The following ECPAS variants were observed in gnomAD, a reference collection of about 807,000 sequenced individuals.
The protein encoded by ECPAS is Ecm29 proteasome adaptor and scaffold, also known as proteasome adapter and scaffold protein ECM29.
A neutral mutation model predicts 255.1 loss-of-function variants in ECPAS; 70 were observed. The ratio of observed to expected loss-of-function variants is 0.27; its 90% CI spans 0.23 to 0.33. ECPAS has a LOEUF of 0.33. Among genes scored for constraint, ECPAS ranks in the 10% least tolerant of loss-of-function variants. The pLI is 1.00. For missense variants in ECPAS, 1,817 were observed against 2,206.4 expected (o/e 0.82, Z 3.54); for synonymous variants, 784 against 775.0 (o/e 1.01, Z -0.19).
intron 5 of ECPAS, among the ~76,000 whole-genome samples, chr9:111,441,122 A>T (rs1295981598): frequency 2.6e-5 from 4 of 152,012 alleles, no homozygotes; most frequent in Admixed American, 1.3e-4. Flanking sequence ...ACTGCACTCC[A>T]ACCTGGGCAA....
At chr9:111,482,919 G>A (rs10980911) in intron 1 of ECPAS, among the ~76,000 whole-genome samples, 9,724 of 152,194 alleles carry the variant, frequency 0.064, 457 homozygotes, top group East Asian at 0.21. Context: ...GATCGAGGGG[G>A]CACTAACTCT....
In ECPAS at chr9:111,401,264, AG is replaced by A. The variant is rs368590810; in HGVS notation, c.2653-4112del. Among the ~76,000 whole-genome samples, 10 of 152,328 alleles carry A rather than the reference AG, an allele frequency of 6.6e-5. No individual in the cohort carries two copies. In the East Asian group the frequency reaches 1.9e-3, roughly 29 times the overall value. ...CTAAGTGTCGGTTGGTCTGAGAAAT[AG>A]AAAGAGTAAAAAGAGAGAAATTTTA... On this transcript the variant is annotated intron_variant, in intron 24 of 49. Transcript: ENST00000684092.
At position 111,484,128 on chromosome 9, in the gene ECPAS, C is replaced by T. The variant is rs902729815; in HGVS notation, c.-95G>A. 35 of 1,455,700 alleles carry T rather than the reference C, an allele frequency of 2.4e-5. No homozygotes were observed. Among genetic ancestry groups the T allele is most frequent in the Non-Finnish European group, 3.0e-5 (33 of 1,106,456 alleles). The allele number at this position is 1,455,700 out of a possible 1,614,324, so 90.2% of individuals were successfully genotyped here. ...GCGGGCCTCTGACCTGAGTCGGAGCCGGTCTCCATGCCGCGGACGCTGCGC... is the reference window on the plus strand; with the variant it reads ...GCGGGCCTCTGACCTGAGTCGGAGCTGGTCTCCATGCCGCGGACGCTGCGC... On this transcript the variant is annotated 5_prime_UTR_variant, in exon 1 of 50. Coordinates refer to ENST00000684092, the MANE Select transcript of ECPAS (RefSeq NM_001364929.1).
chr9:111,407,263 G>A (rs980174997), intron 24 of ECPAS, among the ~76,000 whole-genome samples: 1 of 146,954 alleles, frequency 6.8e-6, no homozygotes, highest in Non-Finnish European at 1.5e-5. Flanking sequence ...TTAGCCAGGT[G>A]TGGTGGCGTG....
chr9:111,373,356 T>A lies in ECPAS; in HGVS notation c.4228A>T (p.Ile1410Phe). The A allele has an allele frequency of 1.2e-6, 2 of 1,613,882 alleles. No individual in the cohort carries two copies. Among genetic ancestry groups the A allele is most frequent in the South Asian group, 2.2e-5 (2 of 91,082 alleles). Residue 1410 changes from isoleucine to phenylalanine, a missense_variant, in exon 40 of 50, where the codon ATT (isoleucine) becomes TTT (phenylalanine). Ile to Phe is a conservative substitution (Grantham distance 21). This residue lies in a region of ECPAS where 960 missense variants were observed against 1,179.0 expected (regional missense o/e 0.81). Coordinates refer to ENST00000684092, the MANE Select transcript of ECPAS (RefSeq NM_001364929.1). ...ATAGCAAATGCACAAGATTTCTGAA[T>A]CACACTGTTCCGATCTGTCAGGCCA... is the stretch of plus-strand genomic sequence containing the variant. ...LSGLTDRNSV[I>F]QKSCAFAMGH... is the part of the protein sequence containing the mutation.
chr9:111,433,141 C>T lies in ECPAS; in HGVS notation c.848+92G>A, dbSNP rs372976983. 3.8e-6 allele frequency: 5 copies of T among 1,329,568 alleles called. No homozygotes were observed. In the Admixed American group the frequency reaches 5.9e-5, roughly 16 times the overall value. 82.4% of individuals were successfully genotyped at this position (1,329,568 alleles called of 1,614,324 possible). A position where few individuals can be genotyped will look rare whatever the true frequency, so the allele number is the denominator to read the frequency against. On this transcript the variant is annotated intron_variant, in intron 8 of 49. Transcript: ENST00000684092. ...ATAATCTCCTCTAAGTTGAATGCCT[C>T]ATTACAAAAAATCCTTAAACAAAAA... is the stretch of plus-strand genomic sequence containing the variant.
In ECPAS at chr9:111,444,449, G is replaced by A. The variant is rs757445364; in HGVS notation, c.199C>T (p.Pro67Ser). The A allele has an allele frequency of 3.7e-6, 6 of 1,613,838 alleles. No homozygotes were observed. In the South Asian group the frequency reaches 6.6e-5, roughly 18 times the overall value. ...VHLNKRIKSRPKIQLPVETLL... is the reference protein window; with the variant it reads ...VHLNKRIKSRSKIQLPVETLL... ...GTCTCTACTGGAAGTTGTATTTTGG[G>A]GCGGCTTTTTATACGTTTATTCAGA... The change falls in exon 4 of 50, where the codon CCC becomes TCC. Residue 67 changes from proline to serine, a missense_variant. Pro to Ser is a moderately conservative substitution (Grantham distance 74). Transcript: ENST00000684092.
chr9:111,389,815 A>ATT (rs2098156533), intron 30 of ECPAS, 92 bp from the exon 31 acceptor site: 1 of 1,333,996 alleles, frequency 7.5e-7, no homozygotes, highest in Non-Finnish European at 1.0e-6. Flanking sequence ...ATGCCTAAAT[A>ATT]CAGCCTGATT....
chr9:111,442,406 C>T lies in ECPAS; in HGVS notation c.289G>A (p.Val97Ile), dbSNP rs2098247115. Residue 97 changes from valine (V) to isoleucine (I), a missense_variant, in exon 5 of 50, where the codon GTT becomes ATT. Physicochemically the swap from Val to Ile is conservative, Grantham distance 29. Coordinates refer to ENST00000684092, the MANE Select transcript of ECPAS (RefSeq NM_001364929.1). The stretch of plus-strand genomic sequence containing the variant: ...GGTAGGCGAGGATAGCCCATTTTAA[C>T]ATAAATTATAGTAAAATTCTAATGC... ...SFVTNFTIIYVKMGYPRLPVE... is the reference protein window; with the variant it reads ...SFVTNFTIIYIKMGYPRLPVE... The T allele has an allele frequency of 1.9e-6, 3 of 1,602,558 alleles. No homozygotes were observed. Among genetic ancestry groups the T allele is most frequent in the Non-Finnish European group, 2.6e-6 (3 of 1,171,720 alleles).
rs1254868956 is a variant in ECPAS, at chr9:111,417,834, T to G, written c.1683+49A>C. On this transcript the variant is annotated intron_variant, in intron 17 of 49. Transcript: ENST00000684092. ...TTTCACTTTAAAGATGTTTTTATTT[T>G]CATCATCCATTATGATTTAGACTAA... 2.7e-6 allele frequency: 4 copies of G among 1,465,784 alleles called. No individual in the cohort carries two copies. The East Asian group carries it at 7.6e-5, about 28-fold the overall frequency. The allele number at this position is 1,465,784 out of a possible 1,614,324, so 90.8% of individuals were successfully genotyped here. A position where few individuals can be genotyped will look rare whatever the true frequency, so the allele number is the denominator to read the frequency against.
rs769486911 is a variant in ECPAS at position 111,428,025 on chromosome 9, T to C, written c.1050+17A>G. ...AAGTTGCAGACAGGCCAATATTCTC[T>C]GGAAAAAACAAATTACCTGAATGTT... is the stretch of plus-strand genomic sequence containing the variant. On this transcript the variant is annotated intron_variant, in intron 10 of 49. Coordinates refer to ENST00000684092, the MANE Select transcript of ECPAS (RefSeq NM_001364929.1). The C allele has an allele frequency of 1.2e-6, 2 of 1,611,118 alleles. No homozygotes were observed. The highest frequency in any genetic ancestry group is 1.3e-5 in the African/African-American group (1 of 74,850).
intron 2 of ECPAS, among the ~76,000 whole-genome samples, chr9:111,466,724 T>C (rs554798414): frequency 7.4e-4 from 112 of 152,108 alleles, no homozygotes; most frequent in African/African-American, 9.9e-4. Flanking sequence ...TTACAGCTCA[T>C]TGCAGTCTCA....
intron 1 of ECPAS, 29 bp from the exon 2 acceptor site, chr9:111,473,029 A>AATTGTATTTT: frequency 1.4e-6 from 1 of 723,642 alleles, no homozygotes; most frequent in Non-Finnish European, 1.8e-6. Context: ...AAAAAATACA[A>AATTGTATTTT]TTAACAGATG....
At chr9:111,442,931 T>C (rs1362326548) in intron 4 of ECPAS, among the ~76,000 whole-genome samples, 1 of 152,174 alleles carries the variant, frequency 6.6e-6, no homozygotes, top group Non-Finnish European at 1.5e-5. Context: ...AACTGAGTAC[T>C]GTGTGTTTCT....
rs1277311352 is a variant in ECPAS at position 111,411,022 on chromosome 9, G to C, written c.2335C>G (p.Pro779Ala). 1.9e-6 allele frequency: 3 copies of C among 1,613,658 alleles called. No individual in the cohort carries two copies. Among genetic ancestry groups the C allele is most frequent in the Admixed American group, 3.3e-5 (2 of 59,990 alleles). The change falls in exon 22 of 50, where the codon CCT (proline) becomes GCT (alanine). Residue 779 changes from proline (P) to alanine (A), a missense_variant. Physicochemically the swap from Pro to Ala is conservative, Grantham distance 27. Coordinates refer to ENST00000684092, the MANE Select transcript of ECPAS (RefSeq NM_001364929.1). The stretch of plus-strand genomic sequence containing the variant: ...CTCTGAATGAGTTCCTCTTGATCAG[G>C]GAGGGTGTCAGCATTTCTCTCCAGG... Reference protein sequence around the residue: ...QDLERNADTLPDQEELIQSAT... With the variant: ...QDLERNADTLADQEELIQSAT...
intron 6 of ECPAS, among the ~76,000 whole-genome samples, chr9:111,438,591 C>A (rs183544303): frequency 2.6e-5 from 4 of 152,168 alleles, no homozygotes; most frequent in Non-Finnish European, 5.9e-5. Flanking sequence ...CAGACTGAGA[C>A]CCTATCTCAA....
chr9:111,455,674 C>T (rs2098266048), intron 2 of ECPAS, among the ~76,000 whole-genome samples: 1 of 152,164 alleles, frequency 6.6e-6, no homozygotes, highest in African/African-American at 2.4e-5. Context: ...AATTTTGGTA[C>T]ATTTTAGGAA....
At chr9:111,483,551 CG>C (rs573425558) in intron 1 of ECPAS, 4,279 of 425,530 alleles carry the variant, frequency 0.01, 9 homozygotes, top group Non-Finnish European at 0.012. Context: ...CATGTTGCGC[CG>C]GGGAGGGAAC....
chr9:111,406,718 A>T (rs1255780944), intron 24 of ECPAS, among the ~76,000 whole-genome samples: 1 of 149,118 alleles, frequency 6.7e-6, no homozygotes, highest in Non-Finnish European at 1.5e-5. Flanking sequence ...ACCCTAGGCC[A>T]CACAGGGATA....
Sources: allele counts gnomAD v4.1 joint callset (sites outside exome capture counted in the v4.1 genomes callset), GRCh38; gene constraint gnomAD v4.1.1; regional missense constraint gnomAD v4.1.1; transcripts MANE v1.5; gene names NCBI Gene and HGNC (gene_info 2026-07-23, HGNC 2026-07-21).